LRMDA: variants seen among roughly 807,000 people sequenced by gnomAD.
The protein encoded by LRMDA is leucine rich melanocyte differentiation associated, also known as leucine-rich melanocyte differentiation-associated protein.
Under a neutral mutation model 29.8 loss-of-function variants are expected in LRMDA, and 18 were observed. The ratio of observed to expected loss-of-function variants is 0.60; its 90% CI spans 0.42 to 0.90. LRMDA has a LOEUF of 0.90. Among genes scored for constraint, LRMDA ranks in the 40% least tolerant of loss-of-function variants. LRMDA has a pLI of 0.00. For missense variants in LRMDA, 273 were observed against 273.9 expected (o/e 1.00, Z 0.02); for synonymous variants, 125 against 109.4 (o/e 1.14, Z -0.89).
At chr10:76,158,429 CACTTATTCT>C (rs796170619) in intron 5 of LRMDA, among the ~76,000 whole-genome samples, 24 of 152,168 alleles carry the variant, frequency 1.6e-4, no homozygotes, top group African/African-American at 5.5e-4. Flanking sequence ...TGTTTTTAGG[CACTTATTCT>C]ACTTCTCCAA....
At chr10:75,585,221 G>T (rs1840642332) in intron 2 of LRMDA, among the ~76,000 whole-genome samples, 1 of 152,174 alleles carries the variant, frequency 6.6e-6, no homozygotes, top group African/African-American at 2.4e-5. Context: ...TTTTGCCCCT[G>T]TTAAAACTTT....
chr10:75,600,708 G>A (rs1840873226), intron 2 of LRMDA, among the ~76,000 whole-genome samples: 1 of 152,156 alleles, frequency 6.6e-6, no homozygotes, highest in Non-Finnish European at 1.5e-5. Context: ...CCATGCATGT[G>A]ACCACCTATT....
intron 2 of LRMDA, among the ~76,000 whole-genome samples, chr10:75,662,979 C>T (rs909796074): frequency 1.3e-5 from 2 of 152,316 alleles, no homozygotes; most frequent in East Asian, 1.9e-4. Context: ...GAAGACTCTT[C>T]TTGTTCTTGG....
At chr10:75,776,529 C>T (rs1564565147) in intron 2 of LRMDA, among the ~76,000 whole-genome samples, 1 of 152,092 alleles carries the variant, frequency 6.6e-6, no homozygotes, top group African/African-American at 2.4e-5. Context: ...GGATTATTTC[C>T]CATTCCATGT....
At chr10:75,558,856 T>G (rs1840252422) in intron 2 of LRMDA, among the ~76,000 whole-genome samples, 1 of 142,272 alleles carries the variant, frequency 7.0e-6, no homozygotes, top group Non-Finnish European at 1.5e-5. Context: ...ACAAAGGACA[T>G]GAACTCATCA....
chr10:76,173,494 T>C, intron 5 of LRMDA, among the ~76,000 whole-genome samples: 1 of 152,144 alleles, frequency 6.6e-6, no homozygotes, highest in Admixed American at 6.6e-5. Flanking sequence ...AGATTACCAA[T>C]ATCAAGAATA....
At chr10:76,202,108 AT>A (rs1188737139) in intron 5 of LRMDA, among the ~76,000 whole-genome samples, 1 of 152,118 alleles carries the variant, frequency 6.6e-6, no homozygotes, top group African/African-American at 2.4e-5. Context: ...TTCAAGTCTG[AT>A]TCTGTCACGT....
At chr10:76,284,428 G>A (rs929633454) in intron 5 of LRMDA, among the ~76,000 whole-genome samples, 2 of 152,114 alleles carry the variant, frequency 1.3e-5, no homozygotes, top group Admixed American at 6.5e-5. Context: ...AAGGAAACGT[G>A]TTCTCCCCTC....
At chr10:75,851,322 G>T (rs1844729239) in intron 2 of LRMDA, among the ~76,000 whole-genome samples, 1 of 152,194 alleles carries the variant, frequency 6.6e-6, no homozygotes, top group Admixed American at 6.5e-5. Flanking sequence ...GGGCTACTCA[G>T]ACCATAAAGG....
chr10:75,910,862 GC>G (rs1329169471), intron 2 of LRMDA, among the ~76,000 whole-genome samples: 1 of 152,194 alleles, frequency 6.6e-6, no homozygotes, highest in African/African-American at 2.4e-5. Flanking sequence ...CAACTCATAT[GC>G]TTTCCATGGG....
intron 5 of LRMDA, among the ~76,000 whole-genome samples, chr10:76,301,931 G>T (rs1490595534): frequency 6.6e-6 from 1 of 152,142 alleles, no homozygotes; most frequent in Non-Finnish European, 1.5e-5. Context: ...AGTAGTTTTA[G>T]AATTTGTTTC....
At chr10:75,916,193 T>TTTG (rs1554833959) in intron 2 of LRMDA, among the ~76,000 whole-genome samples, 2 of 140,064 alleles carry the variant, frequency 1.4e-5, no homozygotes, top group Non-Finnish European at 3.1e-5. Context: ...TGTGTGTGTG[T>TTTG]GTGGGTGGGT....
intron 5 of LRMDA, among the ~76,000 whole-genome samples, chr10:76,062,276 G>A (rs1848713203): frequency 6.6e-6 from 1 of 152,164 alleles, no homozygotes; most frequent in Non-Finnish European, 1.5e-5. Context: ...GTGATTTGGG[G>A]AGCTATTTTC....
chr10:76,137,919 T>C (rs1484232011), intron 5 of LRMDA, among the ~76,000 whole-genome samples: 1 of 152,042 alleles, frequency 6.6e-6, no homozygotes, highest in African/African-American at 2.4e-5. Flanking sequence ...GGGACTGTGA[T>C]TCTAAAATTA....
chr10:76,174,847 C>T (rs558483895), intron 5 of LRMDA, among the ~76,000 whole-genome samples: 3 of 151,882 alleles, frequency 2.0e-5, no homozygotes, highest in African/African-American at 7.3e-5. Context: ...AGGCCGGGTG[C>T]GGTGGCTCAC....
chr10:76,141,044 G>A (rs1321257003), intron 5 of LRMDA, among the ~76,000 whole-genome samples: 1 of 151,946 alleles, frequency 6.6e-6, no homozygotes. Context: ...GAACCATCTG[G>A]TCCTTCTTTG....
chr10:76,475,976 C>T (rs900325035), intron 6 of LRMDA, among the ~76,000 whole-genome samples: 3 of 152,046 alleles, frequency 2.0e-5, no homozygotes, highest in Admixed American at 6.6e-5. Flanking sequence ...ACCCTAACAT[C>T]ACAATTAAAA....
intron 5 of LRMDA, among the ~76,000 whole-genome samples, chr10:76,212,317 A>G (rs1354791516): frequency 6.6e-6 from 1 of 151,966 alleles, no homozygotes; most frequent in Non-Finnish European, 1.5e-5. Flanking sequence ...AGTGCTAACT[A>G]TGGTTCCCAG....
At chr10:76,251,839 T>C (rs1253534541) in intron 5 of LRMDA, among the ~76,000 whole-genome samples, 1 of 152,130 alleles carries the variant, frequency 6.6e-6, no homozygotes, top group African/African-American at 2.4e-5. Context: ...AGTTTACAAA[T>C]CCTGCCGTGA....
Sources: gnomAD v4.1 joint callset for allele counts (sites outside exome capture counted in the v4.1 genomes callset) on GRCh38, gnomAD v4.1.1 for gene constraint, MANE v1.5 for transcripts, NCBI Gene and HGNC (gene_info 2026-07-23, HGNC 2026-07-21) for gene names.